The following CDKAL1 variants were observed in gnomAD, a reference collection of about 807,000 sequenced individuals.
CDKAL1 encodes CDKAL1 threonylcarbamoyladenosine tRNA methylthiotransferase.
In CDKAL1, 32 loss-of-function variants were observed where a neutral mutation model predicts 68.2. The observed-to-expected ratio is 0.47, with a 90% CI of 0.35 to 0.63. CDKAL1 has a LOEUF of 0.63. Ranked by LOEUF, CDKAL1 falls within the 30% of genes least tolerant of loss-of-function variation. The pLI is 0.00. For synonymous variants in CDKAL1, 234 were observed against 244.3 expected, an observed-to-expected ratio of 0.96 and a Z score of 0.39; for missense variants, 606 against 696.7, an observed-to-expected ratio of 0.87 and a Z score of 1.47.
intron 5 of CDKAL1, among the ~76,000 whole-genome samples, chr6:20,657,741 GTATTA>G (rs1439476765): frequency 6.6e-6 from 1 of 152,128 alleles, no homozygotes; most frequent in East Asian, 1.9e-4. Flanking sequence ...TACAGTGTTT[GTATTA>G]TTGATATTCA....
At chr6:21,165,312 T>C (rs1480044357) in intron 13 of CDKAL1, among the ~76,000 whole-genome samples, 1 of 152,200 alleles carries the variant, frequency 6.6e-6, no homozygotes, top group Non-Finnish European at 1.5e-5. Flanking sequence ...GCTGGATTTG[T>C]TGTGTTGTAG....
At chr6:20,768,310 A>C (rs1248363929) in intron 7 of CDKAL1, among the ~76,000 whole-genome samples, 1 of 152,128 alleles carries the variant, frequency 6.6e-6, no homozygotes, top group Non-Finnish European at 1.5e-5. Context: ...GGTCACTTCC[A>C]CTCTGAAATT....
intron 4 of CDKAL1, among the ~76,000 whole-genome samples, chr6:20,616,212 T>C (rs1581828869): frequency 6.6e-6 from 1 of 152,174 alleles, no homozygotes; most frequent in African/African-American, 2.4e-5. Context: ...AGTCAGGTAG[T>C]GTGATGCCTC....
At chr6:21,222,584 TATG>T (rs1779577182) in intron 15 of CDKAL1, among the ~76,000 whole-genome samples, 1 of 152,212 alleles carries the variant, frequency 6.6e-6, no homozygotes, top group African/African-American at 2.4e-5. Context: ...CAGCTACTTA[TATG>T]ATATTAAAGA....
At chr6:20,657,889 G>C (rs1769100361) in intron 5 of CDKAL1, among the ~76,000 whole-genome samples, 1 of 152,156 alleles carries the variant, frequency 6.6e-6, no homozygotes, top group Non-Finnish European at 1.5e-5. Context: ...GAAGCCCCCT[G>C]TGTTATGATG....
chr6:20,885,002 T>C (rs1269320690), intron 9 of CDKAL1, among the ~76,000 whole-genome samples: 5 of 151,986 alleles, frequency 3.3e-5, no homozygotes, highest in African/African-American at 4.8e-5. Context: ...GAAACACTAC[T>C]GAAAGAAATG....
chr6:21,204,076 A>C (rs1185881914), intron 15 of CDKAL1, among the ~76,000 whole-genome samples: 1 of 152,186 alleles, frequency 6.6e-6, no homozygotes, highest in Non-Finnish European at 1.5e-5. Context: ...CCTGAAGAAA[A>C]ACTGTAGATA....
intron 12 of CDKAL1, among the ~76,000 whole-genome samples, chr6:21,076,714 A>T (rs1381407619): frequency 2.6e-5 from 4 of 152,206 alleles, no homozygotes; most frequent in African/African-American, 9.6e-5. Context: ...CATAGGGAAG[A>T]CCCTTTTCTC....
At chr6:21,151,401 A>G (rs369422601) in intron 13 of CDKAL1, among the ~76,000 whole-genome samples, 3 of 152,328 alleles carry the variant, frequency 2.0e-5, no homozygotes, top group Admixed American at 6.5e-5. Context: ...CACAAAGGGT[A>G]TTTGTTTAAA....
chr6:21,139,724 T>C (rs1775807470), intron 13 of CDKAL1, among the ~76,000 whole-genome samples: 1 of 152,078 alleles, frequency 6.6e-6, no homozygotes, highest in Non-Finnish European at 1.5e-5. Context: ...CCCAGGCTGG[T>C]CTCAAACTCC....
intron 8 of CDKAL1, among the ~76,000 whole-genome samples, chr6:20,825,735 G>A (rs1160681984): frequency 6.6e-6 from 1 of 152,092 alleles, no homozygotes; most frequent in Non-Finnish European, 1.5e-5. Flanking sequence ...CAATATGAGT[G>A]TAATTAATGA....
chr6:21,216,838 A>C (rs1779354239), intron 15 of CDKAL1, among the ~76,000 whole-genome samples: 3 of 152,104 alleles, frequency 2.0e-5, no homozygotes. Flanking sequence ...TGTGATGAGG[A>C]CTTGGTGTGG....
intron 11 of CDKAL1, among the ~76,000 whole-genome samples, chr6:21,010,799 C>T (rs916198883): frequency 6.6e-6 from 1 of 152,012 alleles, no homozygotes; most frequent in Non-Finnish European, 1.5e-5. Flanking sequence ...AAGATCTGAC[C>T]AGGGCTGGGC....
rs569411792 is a variant in CDKAL1 at position 20,648,651 on chromosome 6, C to A, written c.287-642C>A. Among the ~76,000 whole-genome samples the A allele has an allele frequency of 5.0e-4, 76 of 152,224 alleles. 1 individual carries two copies. The highest frequency in any genetic ancestry group is 6.8e-3 in the Middle Eastern group (2 of 294). On this transcript the variant is annotated intron_variant, in intron 4 of 15. Coordinates refer to ENST00000274695, the MANE Select transcript of CDKAL1 (RefSeq NM_017774.3). The stretch of plus-strand genomic sequence containing the variant: ...TTGGTTTTCCTTTCTTTATGGTAAT[C>A]CTATTTTAATATATAAGATCCTTTC...
At chr6:21,101,528 ATCT>A (rs1463312073) in intron 12 of CDKAL1, among the ~76,000 whole-genome samples, 4 of 152,110 alleles carry the variant, frequency 2.6e-5, no homozygotes, top group Non-Finnish European at 5.9e-5. Context: ...TTTAACCTCA[ATCT>A]TCTTATCTTC....
At chr6:20,775,288 A>AT (rs1262019740) in intron 7 of CDKAL1, among the ~76,000 whole-genome samples, 3 of 152,198 alleles carry the variant, frequency 2.0e-5, no homozygotes, top group African/African-American at 7.2e-5. Flanking sequence ...TTGAAATGAT[A>AT]TAAAAACTCA....
At chr6:20,645,193 G>T (rs1273165944) in intron 4 of CDKAL1, among the ~76,000 whole-genome samples, 1 of 152,010 alleles carries the variant, frequency 6.6e-6, no homozygotes, top group Non-Finnish European at 1.5e-5. Context: ...GTGAAGGCCT[G>T]GGACATACCC....
intron 9 of CDKAL1, among the ~76,000 whole-genome samples, chr6:20,851,351 T>C (rs1484905780): frequency 6.6e-6 from 1 of 152,214 alleles, no homozygotes; most frequent in African/African-American, 2.4e-5. Context: ...GCTAGTGTTT[T>C]CTAGGATATT....
At position 20,658,774 on chromosome 6, in the gene CDKAL1, A is replaced by G. The variant is rs1769147715; in HGVS notation, c.371+9397A>G. Among the ~76,000 whole-genome samples, 3 of 152,300 alleles carry G rather than the reference A, an allele frequency of 2.0e-5. No homozygotes were observed. The South Asian group carries it at 6.2e-4, about 32-fold the overall frequency. ...CCTTTCCAGTTCTCTTGTTAACCAC[A>G]TTCACTAGTAATTTTCTTTTTTAAC... On this transcript the variant is annotated intron_variant, in intron 5 of 15. Transcript: ENST00000274695.
Sources: gnomAD v4.1 joint callset for allele counts (sites outside exome capture counted in the v4.1 genomes callset) on GRCh38, gnomAD v4.1.1 for gene constraint, MANE v1.5 for transcripts, NCBI Gene and HGNC (gene_info 2026-07-23, HGNC 2026-07-21) for gene names.